The following PALS2 variants were observed in gnomAD, a reference collection of about 807,000 sequenced individuals.
PALS2 encodes protein associated with LIN7 2, MAGUK p55 family member, also known as protein PALS2.
In PALS2, 27 loss-of-function variants were observed where a neutral mutation model predicts 61.6. The observed-to-expected ratio is 0.44, with a 90% CI of 0.32 to 0.60. The LOEUF (loss-of-function observed/expected upper bound fraction) is 0.60, where lower values mean the gene tolerates loss of function less well. Ranked by LOEUF, PALS2 falls within the 20% of genes least tolerant of loss-of-function variation. The pLI is 0.05. For synonymous variants in PALS2, 236 were observed against 218.6 expected (o/e 1.08, Z -0.70); for missense variants, 554 against 639.4 (o/e 0.87, Z 1.44).
At chr7:24,652,176 A>G (rs1442418449) in intron 5 of PALS2, among the ~76,000 whole-genome samples, 2 of 152,116 alleles carry the variant, frequency 1.3e-5, no homozygotes, top group Non-Finnish European at 2.9e-5. Flanking sequence ...GGATTTACGT[A>G]TTTTATTTAT....
chr7:24,663,837 T>G, intron 6 of PALS2, 116 bp downstream of exon 6: 1 of 1,276,516 alleles, frequency 7.8e-7, no homozygotes, highest in Non-Finnish European at 1.1e-6. Context: ...TTTTCCCACA[T>G]GAACAGCTCC....
chr7:24,602,673 T>C (rs1482412483), intron 1 of PALS2, among the ~76,000 whole-genome samples: 2 of 152,172 alleles, frequency 1.3e-5, no homozygotes, highest in Non-Finnish European at 2.9e-5. Flanking sequence ...GAGGTACCTC[T>C]TATCTTACTC....
intron 4 of PALS2, 60 bp from the exon 5 acceptor site, chr7:24,650,425 T>C (rs902736281): frequency 2.9e-5 from 38 of 1,315,676 alleles, no homozygotes; most frequent in Non-Finnish European, 3.7e-5. Context: ...CATATGCTCA[T>C]GAATATTTAA....
intron 1 of PALS2, among the ~76,000 whole-genome samples, chr7:24,597,444 A>G (rs76134129): frequency 0.067 from 10,176 of 152,206 alleles, 407 homozygotes; most frequent in African/African-American, 0.11. Context: ...AACGCATAAT[A>G]CAGACTACTC....
intron 5 of PALS2, among the ~76,000 whole-genome samples, chr7:24,651,192 A>G (rs942947971): frequency 1.3e-5 from 2 of 152,210 alleles, no homozygotes; most frequent in African/African-American, 4.8e-5. Context: ...GTATTTTAAA[A>G]CTAATTTTAG....
At chr7:24,667,881 T>G (rs570075868) in intron 8 of PALS2, among the ~76,000 whole-genome samples, 12 of 151,994 alleles carry the variant, frequency 7.9e-5, no homozygotes, top group Non-Finnish European at 1.6e-4. Context: ...TTGGCCAGGA[T>G]GGTCTCAATC....
intron 5 of PALS2, among the ~76,000 whole-genome samples, chr7:24,660,948 C>A (rs1204768615): frequency 6.6e-6 from 1 of 152,166 alleles, no homozygotes; most frequent in Non-Finnish European, 1.5e-5. Flanking sequence ...ATTTGTATTT[C>A]TACTCTGAGT....
intron 1 of PALS2, among the ~76,000 whole-genome samples, chr7:24,577,894 C>T (rs960327272): frequency 1.3e-5 from 2 of 152,064 alleles, no homozygotes; most frequent in Non-Finnish European, 2.9e-5. Context: ...TTATAATCTC[C>T]ATACTCACTA....
rs1299409581 is a variant in PALS2, at chr7:24,596,054, G to T, written c.-3+22461G>T. Among the ~76,000 whole-genome samples the T allele has an allele frequency of 2.0e-5, 3 of 152,056 alleles. No individual in the cohort carries two copies. Among genetic ancestry groups the T allele is most frequent in the African/African-American group, 7.2e-5 (3 of 41,412 alleles). ...TGACAAATCATGAAGGCGCTAAGCG[G>T]CCATGGTCAAGAGTGTGGCTAGTTT... is the stretch of plus-strand genomic sequence containing the variant. On this transcript the variant is annotated intron_variant, in intron 1 of 11. Coordinates refer to ENST00000222644, the MANE Select transcript of PALS2 (RefSeq NM_001303037.2). The surrounding 1 kb of genome is among the most constrained non-coding windows in gnomAD (Gnocchi z 4.5).
Position 24,692,571 on chromosome 7 carries a change from C to G in PALS2, c.*4957C>G, listed in dbSNP as rs748832643. 7.9e-5 allele frequency: 12 copies of G among 152,084 alleles called. No homozygotes were observed. Among genetic ancestry groups the G allele is most frequent in the Non-Finnish European group, 1.8e-4 (12 of 67,992 alleles). 9.4% of individuals were successfully genotyped at this position (152,084 alleles called of 1,614,324 possible). ...TGGTGAATACTTTTCAGGAATTCTTCCAGTTTTAAAATAGCCCCAAAGATA... is the reference window on the plus strand; with the variant it reads ...TGGTGAATACTTTTCAGGAATTCTTGCAGTTTTAAAATAGCCCCAAAGATA... On this transcript the variant is annotated 3_prime_UTR_variant, in exon 12 of 12. Transcript: ENST00000222644.
chr7:24,679,420 G>C, intron 10 of PALS2, 87 bp downstream of exon 10: 1 of 1,392,126 alleles, frequency 7.2e-7, no homozygotes, highest in South Asian at 1.3e-5. Context: ...GGTTGGGGTT[G>C]TTTGTTTTGT....
intron 1 of PALS2, among the ~76,000 whole-genome samples, chr7:24,604,547 A>G (rs1783830347): frequency 6.6e-6 from 1 of 152,044 alleles, no homozygotes; most frequent in Non-Finnish European, 1.5e-5. Flanking sequence ...CAGAAAGGAA[A>G]GAGAGAGACA....
chr7:24,629,579 A>G (rs905925300), intron 2 of PALS2, among the ~76,000 whole-genome samples: 5 of 152,164 alleles, frequency 3.3e-5, no homozygotes, highest in African/African-American at 1.2e-4. Flanking sequence ...TTTGCAAGCT[A>G]TCCGTCTGAC....
chr7:24,630,199 C>T (rs1006362127), intron 2 of PALS2, among the ~76,000 whole-genome samples: 2 of 152,078 alleles, frequency 1.3e-5, no homozygotes, highest in African/African-American at 4.8e-5. Flanking sequence ...GAGCTGTAAA[C>T]CATCATTTTC....
At chr7:24,679,001 G>C (rs1351837061) in intron 9 of PALS2, 130 bp from the exon 10 acceptor site, 2 of 700,976 alleles carry the variant, frequency 2.9e-6, no homozygotes, top group Non-Finnish European at 4.9e-6. Flanking sequence ...ATAAGAAGCA[G>C]ATCAGATCTG....
At chr7:24,643,592 A>T (rs1785676432) in intron 3 of PALS2, among the ~76,000 whole-genome samples, 1 of 152,104 alleles carries the variant, frequency 6.6e-6, no homozygotes, top group South Asian at 2.1e-4. Flanking sequence ...ATACCACAAT[A>T]TTATTTACAG....
At chr7:24,666,812 A>G (rs780795290) in intron 8 of PALS2, 6 of 152,214 alleles carry the variant, frequency 3.9e-5, no homozygotes, top group Non-Finnish European at 7.4e-5. Context: ...ATTAAAAATA[A>G]ATAAATAGGA....
intron 11 of PALS2, among the ~76,000 whole-genome samples, chr7:24,682,468 C>T (rs1435212782): frequency 6.6e-6 from 1 of 152,194 alleles, no homozygotes; most frequent in Non-Finnish European, 1.5e-5. Context: ...CTGTCCTCAA[C>T]TCAAGAGTCC....
chr7:24,614,740 C>T (rs1160106084), intron 1 of PALS2, among the ~76,000 whole-genome samples: 1 of 151,910 alleles, frequency 6.6e-6, no homozygotes, highest in Non-Finnish European at 1.5e-5. Flanking sequence ...ATAGACCTAA[C>T]AGACATTTAC....
Sources: allele counts gnomAD v4.1 joint callset (sites outside exome capture counted in the v4.1 genomes callset), GRCh38; gene constraint gnomAD v4.1.1; non-coding constraint Gnocchi (gnomAD v3.1); transcripts MANE v1.5; gene names NCBI Gene and HGNC (gene_info 2026-07-23, HGNC 2026-07-21).